ROBO2: variants seen among roughly 807,000 people sequenced by gnomAD.
ROBO2 encodes the protein roundabout guidance receptor 2.
Under a neutral mutation model 160.8 loss-of-function variants are expected in ROBO2, and 53 were observed. That is an observed-to-expected ratio of 0.33 (90% CI 0.26 to 0.41). ROBO2 has a LOEUF of 0.41. Among genes scored for constraint, ROBO2 ranks in the 10% least tolerant of loss-of-function variants. The probability of loss-of-function intolerance (pLI) is 1.00; values close to 1 mark genes in which losing one functional copy is unlikely to be tolerated. For synonymous variants in ROBO2, 664 were observed against 611.7 expected (o/e 1.09, Z -1.26); for missense variants, 1,577 against 1,722.4 (o/e 0.92, Z 1.49).
intron 2 of ROBO2, among the ~76,000 whole-genome samples, chr3:75,950,020 A>ATGTGTGTG (rs61564519): frequency 2.7e-5 from 4 of 149,006 alleles, no homozygotes; most frequent in African/African-American, 9.8e-5. Flanking sequence ...CTACATATGC[A>ATGTGTGTG]TGTGTGTGTG....
At chr3:76,318,790 A>G (rs540114808) in intron 2 of ROBO2, among the ~76,000 whole-genome samples, 2 of 152,240 alleles carry the variant, frequency 1.3e-5, no homozygotes, top group African/African-American at 4.8e-5. Context: ...ATGTTAAAAA[A>G]TGGGGAAAAA....
At chr3:76,933,106 T>G (rs2077461620) in intron 2 of ROBO2, among the ~76,000 whole-genome samples, 1 of 152,174 alleles carries the variant, frequency 6.6e-6, no homozygotes, top group African/African-American at 2.4e-5. Context: ...AAACTTCAAA[T>G]ACTCAAGAAA....
intron 2 of ROBO2, among the ~76,000 whole-genome samples, chr3:76,856,350 A>G (rs2070076199): frequency 6.6e-6 from 1 of 152,200 alleles, no homozygotes; most frequent in South Asian, 2.1e-4. Context: ...TAAGACACAT[A>G]TATGGTAAAA....
chr3:75,977,931 A>G (rs981024746), intron 2 of ROBO2, among the ~76,000 whole-genome samples: 5 of 151,586 alleles, frequency 3.3e-5, no homozygotes, highest in Non-Finnish European at 5.9e-5. Flanking sequence ...TTTTCAATTT[A>G]GAGACACTAT....
At chr3:76,720,765 G>A (rs1382219390) in intron 2 of ROBO2, among the ~76,000 whole-genome samples, 1 of 152,110 alleles carries the variant, frequency 6.6e-6, no homozygotes, top group Non-Finnish European at 1.5e-5. Flanking sequence ...TTAGCGATTT[G>A]CCCACTCTCT....
intron 2 of ROBO2, among the ~76,000 whole-genome samples, chr3:75,992,838 T>G (rs1045175995): frequency 2.6e-5 from 4 of 152,198 alleles, no homozygotes; most frequent in Non-Finnish European, 4.4e-5. Flanking sequence ...ATGACATGGA[T>G]GGGAGACATG....
chr3:76,151,147 C>A (rs997089446), intron 2 of ROBO2, among the ~76,000 whole-genome samples: 1 of 152,104 alleles, frequency 6.6e-6, no homozygotes, highest in Non-Finnish European at 1.5e-5. Flanking sequence ...ATCACCATCC[C>A]AGACTACTTC....
chr3:75,998,383 T>C (rs2065789428), intron 2 of ROBO2, among the ~76,000 whole-genome samples: 1 of 152,180 alleles, frequency 6.6e-6, no homozygotes, highest in Non-Finnish European at 1.5e-5. Flanking sequence ...AATCAGGGTT[T>C]TAATAGACTG....
chr3:76,687,943 T>A (rs760180578), intron 2 of ROBO2, among the ~76,000 whole-genome samples: 1 of 151,930 alleles, frequency 6.6e-6, no homozygotes, highest in Admixed American at 6.6e-5. Flanking sequence ...TGGGTTTGTA[T>A]ATATTGGCTT....
chr3:77,451,347 T>C (rs1434261148), intron 2 of ROBO2, among the ~76,000 whole-genome samples: 1 of 152,158 alleles, frequency 6.6e-6, no homozygotes, highest in Non-Finnish European at 1.5e-5. Context: ...TTAAAAGAAA[T>C]AAAATTCCTC....
intron 2 of ROBO2, among the ~76,000 whole-genome samples, chr3:76,045,387 T>C (rs1183825822): frequency 1.3e-5 from 2 of 152,042 alleles, no homozygotes; most frequent in African/African-American, 4.8e-5. Context: ...CAGACTCCAG[T>C]GGCCTCAGGA....
At chr3:76,023,831 T>C (rs917488162) in intron 2 of ROBO2, among the ~76,000 whole-genome samples, 2 of 151,400 alleles carry the variant, frequency 1.3e-5, no homozygotes, top group African/African-American at 4.8e-5. Flanking sequence ...AACCTTCAAT[T>C]TGTAAAAAAC....
Position 76,657,064 on chromosome 3 carries a change from T to C in ROBO2, c.110-440950T>C, listed in dbSNP as rs952059791. The stretch of plus-strand genomic sequence containing the variant: ...TTAGATTTCTTATCTTGGATTCCTC[T>C]TTTTTTTCCCTATACTTTTCTGCTG... On this transcript the variant is annotated intron_variant, in intron 2 of 26. Coordinates refer to the ROBO2 transcript ENST00000487694. Among the ~76,000 whole-genome samples, 192 of 152,122 alleles carry C rather than the reference T, an allele frequency of 1.3e-3. 3 individuals carry two copies. The highest frequency in any genetic ancestry group is 4.0e-4 in the Non-Finnish European group (27 of 67,982).
At chr3:77,237,183 C>CTT (rs34992972) in intron 2 of ROBO2, among the ~76,000 whole-genome samples, 34,875 of 106,890 alleles carry the variant, frequency 0.33, 5,763 homozygotes, top group Middle Eastern at 0.44. Context: ...CTTGACCTTT[C>CTT]TTTTTTTTTT....
In ROBO2 at chr3:77,517,886, T is replaced by C. The variant is rs571510740; in HGVS notation, c.807-4889T>C. Among the ~76,000 whole-genome samples, 15 of 151,558 alleles carry C rather than the reference T, an allele frequency of 9.9e-5. 1 individual carries two copies. The highest frequency in any genetic ancestry group is 3.6e-4 in the African/African-American group (15 of 41,458). ...CGGTTATCAGATTGACTGTCTCGTG[T>C]AGTGTATTTGTAGTTCAGTGCCATC... is the stretch of plus-strand genomic sequence containing the variant. On this transcript the variant is annotated intron_variant, in intron 5 of 25. Transcript: ENST00000461745.
chr3:76,269,532 C>G (rs1186685199), intron 2 of ROBO2, among the ~76,000 whole-genome samples: 1 of 151,036 alleles, frequency 6.6e-6, no homozygotes, highest in Non-Finnish European at 1.5e-5. Flanking sequence ...CTTTTTGTCT[C>G]AGTTACACAT....
chr3:77,177,109 C>T (rs1579666983), intron 2 of ROBO2, among the ~76,000 whole-genome samples: 1 of 151,946 alleles, frequency 6.6e-6, no homozygotes, highest in South Asian at 2.1e-4. Flanking sequence ...ACCTACAGTT[C>T]ACTTTGCACT....
intron 23 of ROBO2, chr3:77,632,546 G>GTAGCTCCTCAGATGGC (rs1249605331): frequency 3.9e-6 from 6 of 1,535,734 alleles, no homozygotes; most frequent in Non-Finnish European, 4.4e-6. Context: ...TCTAGTGTAG[G>GTAGCTCCTCAGATGGC]TAGCTCCTCA....
chr3:76,425,703 G>A lies in ROBO2; in HGVS notation c.109+488101G>A, dbSNP rs114372523. The stretch of plus-strand genomic sequence containing the variant: ...TCCTCATAGACTATGAGTTCCTCAA[G>A]AACAAAGATACCTTTTGTACCCAAA... On this transcript the variant is annotated intron_variant, in intron 2 of 26. Coordinates refer to the ROBO2 transcript ENST00000487694. 5.1e-3 allele frequency among the ~76,000 whole-genome samples: 771 copies of A among 151,918 alleles called. 7 individuals are homozygous for A. The highest frequency in any genetic ancestry group is 0.018 in the African/African-American group (731 of 41,426).
Sources: gnomAD v4.1 joint callset for allele counts (sites outside exome capture counted in the v4.1 genomes callset) on GRCh38, gnomAD v4.1.1 for gene constraint, MANE v1.5 for transcripts, NCBI Gene and HGNC (gene_info 2026-07-23, HGNC 2026-07-21) for gene names.